MCPH1: variants seen among roughly 807,000 people sequenced by gnomAD.
MCPH1 encodes the protein microcephalin 1.
Under a neutral mutation model 84.5 loss-of-function variants are expected in MCPH1, and 104 were observed. The observed-to-expected ratio is 1.23, with a 90% CI of 1.05 to 1.45. The LOEUF (loss-of-function observed/expected upper bound fraction) is 1.45, where lower values mean the gene tolerates loss of function less well. Among genes scored for constraint, MCPH1 ranks in the 40% most tolerant of loss-of-function variants. The pLI, the probability that MCPH1 is intolerant of heterozygous loss-of-function variation, is 0.00. For synonymous variants in MCPH1, 514 were observed against 366.8 expected, an observed-to-expected ratio of 1.40 and a Z score of -4.58; for missense variants, 1,498 against 1,005.7, an observed-to-expected ratio of 1.49 and a Z score of -6.62.
intron 13 of MCPH1, among the ~76,000 whole-genome samples, chr8:6,638,760 G>T (rs986039264): frequency 2.0e-5 from 3 of 152,092 alleles, no homozygotes; most frequent in African/African-American, 7.2e-5. Context: ...TGGAATTTGG[G>T]GATGTGGCTA....
At chr8:6,424,861 T>A (rs1035745062) in intron 3 of MCPH1, among the ~76,000 whole-genome samples, 1 of 152,264 alleles carries the variant, frequency 6.6e-6, no homozygotes, top group Non-Finnish European at 1.5e-5. Context: ...GGGACACACG[T>A]GAAGGATAGC....
intron 13 of MCPH1, among the ~76,000 whole-genome samples, chr8:6,638,239 G>A (rs753282715): frequency 9.8e-5 from 15 of 152,312 alleles, no homozygotes; most frequent in Admixed American, 3.3e-4. Context: ...GGTGACCACC[G>A]TCCCACAGTG....
At chr8:6,533,027 T>A (rs1338745515) in intron 12 of MCPH1, among the ~76,000 whole-genome samples, 1 of 152,272 alleles carries the variant, frequency 6.6e-6, no homozygotes, top group East Asian at 1.9e-4. Context: ...ACCACTCAGT[T>A]CCACATTCTG....
intron 12 of MCPH1, among the ~76,000 whole-genome samples, chr8:6,546,796 A>G (rs945026206): frequency 6.6e-6 from 1 of 152,176 alleles, no homozygotes; most frequent in Non-Finnish European, 1.5e-5. Flanking sequence ...CAATCCAAGT[A>G]TTGCCTTTAA....
intron 12 of MCPH1, among the ~76,000 whole-genome samples, chr8:6,534,524 C>T (rs376721830): frequency 2.6e-5 from 4 of 152,072 alleles, no homozygotes; most frequent in Non-Finnish European, 5.9e-5. Flanking sequence ...CCGCCTCAGC[C>T]CCCCAAAGTG....
At chr8:6,534,976 GT>G (rs1820228152) in intron 12 of MCPH1, among the ~76,000 whole-genome samples, 1 of 152,180 alleles carries the variant, frequency 6.6e-6, no homozygotes, top group Non-Finnish European at 1.5e-5. Context: ...CACTGTCTTA[GT>G]TACTCCTCAC....
chr8:6,614,158 T>G (rs1830565514), intron 12 of MCPH1, among the ~76,000 whole-genome samples: 1 of 152,242 alleles, frequency 6.6e-6, no homozygotes, highest in Non-Finnish European at 1.5e-5. Context: ...TTTTTCCAAA[T>G]GGTGGCCTCT....
At chr8:6,630,410 T>C (rs1797066555) in intron 13 of MCPH1, among the ~76,000 whole-genome samples, 1 of 152,194 alleles carries the variant, frequency 6.6e-6, no homozygotes, top group Admixed American at 6.5e-5. Context: ...GGATGATTTT[T>C]AGAAAAATGT....
At chr8:6,432,510 C>T (rs931739283) in intron 4 of MCPH1, among the ~76,000 whole-genome samples, 8 of 152,184 alleles carry the variant, frequency 5.3e-5, no homozygotes, top group Non-Finnish European at 1.0e-4. Flanking sequence ...ACAACCTTTT[C>T]GGCTTTCTAT....
intron 12 of MCPH1, among the ~76,000 whole-genome samples, chr8:6,547,818 G>C (rs1822878845): frequency 6.6e-6 from 1 of 152,112 alleles, no homozygotes. Flanking sequence ...CCGGAAGAAG[G>C]GAGCCGTGGC....
chr8:6,547,270 A>G (rs575662940), intron 12 of MCPH1, among the ~76,000 whole-genome samples: 32 of 152,212 alleles, frequency 2.1e-4, no homozygotes, highest in Non-Finnish European at 3.2e-4. Flanking sequence ...TTTCAGTGTG[A>G]TTCTCCAAAT....
chr8:6,430,322 G>C (rs960844640), intron 3 of MCPH1, among the ~76,000 whole-genome samples: 17 of 152,166 alleles, frequency 1.1e-4, no homozygotes, highest in African/African-American at 3.9e-4. Flanking sequence ...CAGTGTATTG[G>C]GGTGGCACAT....
At chr8:6,429,954 T>C (rs540999720) in intron 3 of MCPH1, among the ~76,000 whole-genome samples, 2 of 152,318 alleles carry the variant, frequency 1.3e-5, no homozygotes, top group East Asian at 3.9e-4. Context: ...ATTCTTTTTT[T>C]GTTGCTAGTC....
At chr8:6,640,381 C>A (rs990995347) in intron 13 of MCPH1, among the ~76,000 whole-genome samples, 1 of 152,026 alleles carries the variant, frequency 6.6e-6, no homozygotes. Context: ...GGACATAACC[C>A]ATATTTTCAA....
At chr8:6,574,860 C>T (rs1008235674) in intron 12 of MCPH1, among the ~76,000 whole-genome samples, 22 of 152,068 alleles carry the variant, frequency 1.4e-4, no homozygotes, top group African/African-American at 5.3e-4. Context: ...CAGGCAATAT[C>T]CAGGGAGATA....
chr8:6,619,883 C>T (rs1831233881), intron 12 of MCPH1, among the ~76,000 whole-genome samples: 1 of 152,216 alleles, frequency 6.6e-6, no homozygotes. Flanking sequence ...CGTGCCCGGC[C>T]AGATACTTTC....
At chr8:6,503,222 C>G in intron 12 of MCPH1, 1 of 1,614,108 alleles carries the variant, frequency 6.2e-7, no homozygotes. Context: ...ATAGTACATT[C>G]CGTTCAAGTT....
intron 13 of MCPH1, among the ~76,000 whole-genome samples, chr8:6,622,474 A>C (rs1425071390): frequency 6.6e-6 from 1 of 152,214 alleles, no homozygotes; most frequent in East Asian, 1.9e-4. Context: ...TGGTGGAGTC[A>C]TATGTGGCGG....
Position 6,625,852 on chromosome 8 carries a change from T to G in MCPH1, c.2452+4161T>G, listed in dbSNP as rs532562526. 3.1e-5 allele frequency: 31 copies of G among 985,470 alleles called. No homozygotes were observed. In the South Asian group the frequency reaches 1.4e-3, roughly 45 times the overall value. 61.0% of individuals were successfully genotyped at this position (985,470 alleles called of 1,614,324 possible). On this transcript the variant is annotated intron_variant, in intron 13 of 13. Coordinates refer to ENST00000344683, the MANE Select transcript of MCPH1 (RefSeq NM_024596.5). Reference sequence around the variant, plus strand: ...GTTTCTGTATCTTAACAGTCTTGTTTTGCAGATGTCGTAAACTCACAGGGG... The same window carrying G: ...GTTTCTGTATCTTAACAGTCTTGTTGTGCAGATGTCGTAAACTCACAGGGG...
Sources: allele counts gnomAD v4.1 joint callset (sites outside exome capture counted in the v4.1 genomes callset), GRCh38; gene constraint gnomAD v4.1.1; transcripts MANE v1.5; gene names NCBI Gene and HGNC (gene_info 2026-07-23, HGNC 2026-07-21).